ZNF525: variants seen among roughly 807,000 people sequenced by gnomAD.
The protein encoded by ZNF525 is zinc finger protein 525.
A neutral mutation model predicts 37.6 loss-of-function variants in ZNF525; 33 were observed. That is an observed-to-expected ratio of 0.88 (90% confidence interval 0.67 to 1.17). The LOEUF is 1.17. Ranked by LOEUF, ZNF525 falls within the 50% of genes most tolerant of loss-of-function variation. The pLI, the probability that ZNF525 is intolerant of heterozygous loss-of-function variation, is 0.00. For synonymous variants in ZNF525, 170 were observed against 182.3 expected (o/e 0.93, Z 0.54); for missense variants, 449 against 543.1 (o/e 0.83, Z 1.72).
At chr19:53,366,665 T>C (rs1402902827) in intron 1 of ZNF525, among the ~76,000 whole-genome samples, 3 of 150,936 alleles carry the variant, frequency 2.0e-5, no homozygotes, top group Non-Finnish European at 2.9e-5. Flanking sequence ...GGGAGGCTCA[T>C]CAGGGTGAGG....
In ZNF525 at chr19:53,386,391, A is replaced by T; in HGVS notation, c.*4372A>T. ...GAAGAACCAAGCTGGGTCTATAAGG[A>T]ATTGCATGTGAGATGGCACACATAT... On this transcript the variant is annotated 3_prime_UTR_variant, in exon 4 of 4. Transcript: ENST00000474037. The T allele has an allele frequency of 1.1e-6, 1 of 870,770 alleles. No individual in the cohort carries two copies. Among genetic ancestry groups the T allele is most frequent in the Admixed American group, 1.7e-5 (1 of 57,462 alleles). 53.9% of individuals were successfully genotyped at this position (870,770 alleles called of 1,614,324 possible).
intron 3 of ZNF525, 80 bp from the exon 4 acceptor site, chr19:53,380,642 C>G: frequency 1.4e-6 from 1 of 711,960 alleles, no homozygotes; most frequent in South Asian, 2.4e-5. Context: ...ATTTTGTGTT[C>G]CTAAACTTTG....
intron 1 of ZNF525, 123 bp from the exon 2 acceptor site, chr19:53,372,092 G>C (rs2085491637): frequency 2.2e-6 from 1 of 463,808 alleles, no homozygotes; most frequent in African/African-American, 2.0e-5. Flanking sequence ...CTGGTACCTG[G>C]TGTGGAGGGC....
chr19:53,366,706 A>ACAGAG (rs2085448795), intron 1 of ZNF525, among the ~76,000 whole-genome samples: 1 of 151,456 alleles, frequency 6.6e-6, no homozygotes, highest in Non-Finnish European at 1.5e-5. Context: ...GCCAGGGCAG[A>ACAGAG]CAGAGCAGAG....
In ZNF525 at chr19:53,382,622, G is replaced by A; in HGVS notation, c.*603G>A. ...GCAGTCAGCGCTTATTTACCATCAA[G>A]CAATCCATGGCAGAGGGAAACTTTA... On this transcript the variant is annotated 3_prime_UTR_variant, in exon 4 of 4. Coordinates refer to ENST00000474037, the MANE Select transcript of ZNF525 (RefSeq NM_001348156.2). 1.5e-6 allele frequency: 1 copy of A among 683,336 alleles called. No homozygotes were observed. Among genetic ancestry groups the A allele is most frequent in the Non-Finnish European group, 2.7e-6 (1 of 367,628 alleles). 42.3% of individuals were successfully genotyped at this position (683,336 alleles called of 1,614,324 possible).
chr19:53,384,174 C>T lies in ZNF525; in HGVS notation c.*2155C>T. 2.6e-6 allele frequency: 1 copy of T among 384,892 alleles called. No individual in the cohort carries two copies. The highest frequency in any genetic ancestry group is 5.2e-6 in the Non-Finnish European group (1 of 192,184). The allele number at this position is 384,892 out of a possible 1,614,324, so 23.8% of individuals were successfully genotyped here. A position where few individuals can be genotyped will look rare whatever the true frequency, so the allele number is the denominator to read the frequency against. ...AACATTGAGTTCAAGCCTTAATTGA[C>T]ATTAAAGTGTTTATGTTAAGAGGAC... On this transcript the variant is annotated 3_prime_UTR_variant, in exon 4 of 4. Transcript: ENST00000474037.
At chr19:53,375,340 A>G (rs1249551149) in intron 2 of ZNF525, among the ~76,000 whole-genome samples, 1 of 152,206 alleles carries the variant, frequency 6.6e-6, no homozygotes. Flanking sequence ...CAATTCCAGC[A>G]CTTTGAGAGA....
chr19:53,382,826 G>C lies in ZNF525; in HGVS notation c.*807G>C. ...TGGAGAGAAACCTTACAAATGTGAA[G>C]AATGTGATAAAGCTTTCAGATTCAA... On this transcript the variant is annotated 3_prime_UTR_variant, in exon 4 of 4. Transcript: ENST00000474037. The C allele has an allele frequency of 3.2e-6, 4 of 1,241,548 alleles. No homozygotes were observed. Among genetic ancestry groups the C allele is most frequent in the Non-Finnish European group, 4.7e-6 (4 of 857,238 alleles). The allele number at this position is 1,241,548 out of a possible 1,614,324, so 76.9% of individuals were successfully genotyped here.
chr19:53,374,715 T>C (rs1348953581), intron 2 of ZNF525, among the ~76,000 whole-genome samples: 1 of 152,154 alleles, frequency 6.6e-6, no homozygotes, highest in Non-Finnish European at 1.5e-5. Context: ...CACACACAAA[T>C]GTATATATTT....
intron 1 of ZNF525, among the ~76,000 whole-genome samples, chr19:53,367,776 C>T (rs1399943879): frequency 4.3e-4 from 65 of 152,234 alleles, no homozygotes; most frequent in African/African-American, 1.5e-3. Flanking sequence ...CTCCTCCTTC[C>T]TAGGCTAGGA....
chr19:53,375,773 C>CAGGG lies in ZNF525; in HGVS notation c.19_20insAGGG (p.Leu7GlnfsTer37). On this transcript the variant is annotated frameshift_variant, in exon 3 of 4. Transcript: ENST00000474037. LOFTEE classifies it high-confidence loss of function. The stretch of plus-strand genomic sequence containing the variant: ...TTAAAATGTGTTTTCATTTCAGGGT[C>CAGGG]TATTGACATTCAGGGATGTGGCCAT... The CAGGG allele has an allele frequency of 6.2e-7, 1 of 1,613,732 alleles. No homozygotes were observed. The highest frequency in any genetic ancestry group is 2.2e-5 in the East Asian group (1 of 44,874).
In ZNF525 at chr19:53,381,584, C is replaced by T; in HGVS notation, c.1005C>T (p.Thr335=). ...ATAAGTGTAATGAGTGTGGCAAGAC[C>T]TTTAGTCAGAAGTCATACCTTGCAT... The part of the protein sequence containing the change: ...KPHKCNECGK[T]FSQKSYLACH... The change falls in exon 4 of 4, where the codon ACC becomes ACT. Residue 335 remains threonine (T), a synonymous_variant. Transcript: ENST00000474037. The T allele has an allele frequency of 8.7e-7, 1 of 1,146,484 alleles. No individual in the cohort carries two copies. Among genetic ancestry groups the T allele is most frequent in the Non-Finnish European group, 1.3e-6 (1 of 752,806 alleles). The allele number at this position is 1,146,484 out of a possible 1,614,324, so 71.0% of individuals were successfully genotyped here.
intron 1 of ZNF525, among the ~76,000 whole-genome samples, chr19:53,368,798 G>A (rs1600009680): frequency 6.6e-6 from 1 of 152,086 alleles, no homozygotes; most frequent in South Asian, 2.1e-4. Flanking sequence ...GGTAACCTGC[G>A]GTCCACACGG....
Position 53,381,299 on chromosome 19 carries a change from GAAAC to G in ZNF525, c.723_726del (p.Lys241AsnfsTer134). 1.4e-6 allele frequency: 2 copies of G among 1,473,640 alleles called. No homozygotes were observed. The highest frequency in any genetic ancestry group is 9.5e-7 in the Non-Finnish European group (1 of 1,051,994). 91.3% of individuals were successfully genotyped at this position (1,473,640 alleles called of 1,614,324 possible). A position where few individuals can be genotyped will look rare whatever the true frequency, so the allele number is the denominator to read the frequency against. On this transcript the variant is annotated frameshift_variant, in exon 4 of 4. Transcript: ENST00000474037. LOFTEE classifies it high-confidence loss of function. ...AACATCAGATTATTCATCTAGGAGA[GAAAC>G]AATATAAATGTGATGTATGTGACAA...
At chr19:53,374,363 A>G (rs190614281) in intron 2 of ZNF525, among the ~76,000 whole-genome samples, 1 of 152,340 alleles carries the variant, frequency 6.6e-6, no homozygotes, top group South Asian at 2.1e-4. Flanking sequence ...GCTCTTTGAC[A>G]TCTGCGTTGG....
At position 53,386,314 on chromosome 19, in the gene ZNF525, C is replaced by G. The variant is rs994307380; in HGVS notation, c.*4295C>G. ...AAACCATCCCACTCCCCTGTGGATT[C>G]AGATCAAAACTGGTAATAAAATCAG... On this transcript the variant is annotated 3_prime_UTR_variant, in exon 4 of 4. Transcript: ENST00000474037. 21 of 727,284 alleles carry G rather than the reference C, an allele frequency of 2.9e-5. No individual in the cohort carries two copies. The Admixed American group carries it at 3.7e-4, about 13-fold the overall frequency. The allele number at this position is 727,284 out of a possible 1,614,324, so 45.1% of individuals were successfully genotyped here. A position where few individuals can be genotyped will look rare whatever the true frequency, so the allele number is the denominator to read the frequency against.
chr19:53,382,930 T>C lies in ZNF525; in HGVS notation c.*911T>C. The C allele has an allele frequency of 6.8e-7, 1 of 1,481,074 alleles. No individual in the cohort carries two copies. Among genetic ancestry groups the C allele is most frequent in the Non-Finnish European group, 9.4e-7 (1 of 1,066,342 alleles). 91.7% of individuals were successfully genotyped at this position (1,481,074 alleles called of 1,614,324 possible). A position where few individuals can be genotyped will look rare whatever the true frequency, so the allele number is the denominator to read the frequency against. ...GTAATGAGTGTGGTAAGATGTTCAG[T>C]CAAAATTCGGCCCTTGTAATTCATA... is the stretch of plus-strand genomic sequence containing the variant. On this transcript the variant is annotated 3_prime_UTR_variant, in exon 4 of 4. Coordinates refer to ENST00000474037, the MANE Select transcript of ZNF525 (RefSeq NM_001348156.2).
rs559872820 is a variant in ZNF525, at chr19:53,369,674, C to T, written c.-67-2541C>T. ...GATTTTCTTGTAAGGAAGAATTAAA[C>T]GTCGGGAACCAAAGGCAACAGAACC... On this transcript the variant is annotated intron_variant, in intron 1 of 3. Coordinates refer to ENST00000474037, the MANE Select transcript of ZNF525 (RefSeq NM_001348156.2). Among the ~76,000 whole-genome samples, 3 of 143,648 alleles carry T rather than the reference C, an allele frequency of 2.1e-5. No homozygotes were observed. The South Asian group carries it at 6.6e-4, about 32-fold the overall frequency. 94.2% of individuals were successfully genotyped at this position (143,648 alleles called of 152,430 possible). A position where few individuals can be genotyped will look rare whatever the true frequency, so the allele number is the denominator to read the frequency against.
At position 53,382,793 on chromosome 19, in the gene ZNF525, ACT is replaced by A; in HGVS notation, c.*776_*777del. 1 of 1,129,306 alleles carries A rather than the reference ACT, an allele frequency of 8.9e-7. No homozygotes were observed. The highest frequency in any genetic ancestry group is 1.3e-6 in the Non-Finnish European group (1 of 761,002). 70.0% of individuals were successfully genotyped at this position (1,129,306 alleles called of 1,614,324 possible). A position where few individuals can be genotyped will look rare whatever the true frequency, so the allele number is the denominator to read the frequency against. ...TTCATACCTTGCAGTTCACGGGCGA[ACT>A]CATGCTGGAGAGAAACCTTACAAAT... On this transcript the variant is annotated 3_prime_UTR_variant, in exon 4 of 4. Coordinates refer to ENST00000474037, the MANE Select transcript of ZNF525 (RefSeq NM_001348156.2).
Sources: allele counts gnomAD v4.1 joint callset (sites outside exome capture counted in the v4.1 genomes callset), GRCh38; gene constraint gnomAD v4.1.1; transcripts MANE v1.5; gene names NCBI Gene and HGNC (gene_info 2026-07-23, HGNC 2026-07-21).